The following PPIG variants were observed in gnomAD, a reference collection of about 807,000 sequenced individuals.
PPIG encodes peptidylprolyl isomerase G, also known as peptidyl-prolyl cis-trans isomerase G.
PPIG carries 26 observed loss-of-function variants against 87.9 expected under a neutral mutation model. The ratio of observed to expected loss-of-function variants is 0.30; its 90% CI spans 0.22 to 0.41. The LOEUF (loss-of-function observed/expected upper bound fraction) is 0.41, where lower values mean the gene tolerates loss of function less well. Among genes scored for constraint, PPIG ranks in the 10% least tolerant of loss-of-function variants. The pLI is 1.00. For synonymous variants in PPIG, 308 were observed against 276.5 expected (o/e 1.11, Z -1.13); for missense variants, 722 against 879.4 (o/e 0.82, Z 2.26).
intron 1 of PPIG, among the ~76,000 whole-genome samples, chr2:169,589,277 T>C (rs1190173379): frequency 1.3e-5 from 2 of 152,148 alleles, no homozygotes; most frequent in Non-Finnish European, 2.9e-5. Context: ...GAAACATCAG[T>C]GGAAGGGACA....
rs1686062016 is a variant in PPIG at position 169,631,839 on chromosome 2, C to T, written c.835C>T (p.Pro279Ser). The T allele has an allele frequency of 6.2e-7, 1 of 1,613,392 alleles. No homozygotes were observed. Among genetic ancestry groups the T allele is most frequent in the Non-Finnish European group, 8.5e-7 (1 of 1,179,712 alleles). Residue 279 changes from proline to serine, a missense_variant, in exon 11 of 14, where the codon CCT becomes TCT. Physicochemically the swap from Pro to Ser is moderately conservative, Grantham distance 74. Around this residue, in one of 4 missense-constraint regions of PPIG, gnomAD observed 142 missense variants for 152.8 expected, o/e 0.93. Coordinates refer to ENST00000260970, the MANE Select transcript of PPIG (RefSeq NM_004792.3). ...QSTVRPEEIPPIPENRFLMRK... is the reference protein window; with the variant it reads ...QSTVRPEEIPSIPENRFLMRK... Reference sequence around the variant, plus strand: ...TACTGTCCGTCCAGAAGAGATCCCTCCTATACCTGAAAATAGATTCCTAAT... The same window carrying T: ...TACTGTCCGTCCAGAAGAGATCCCTTCTATACCTGAAAATAGATTCCTAAT...
chr2:169,605,902 A>T (rs79084471), intron 4 of PPIG, 137 bp from the exon 5 acceptor site: 38,228 of 601,748 alleles, frequency 0.064, 1,427 homozygotes, highest in Non-Finnish European at 0.079. Flanking sequence ...ATGAATTTTT[A>T]AAAAAAAATT....
intron 1 of PPIG, among the ~76,000 whole-genome samples, chr2:169,598,961 T>C (rs1685102090): frequency 6.6e-6 from 1 of 151,484 alleles, no homozygotes; most frequent in African/African-American, 2.4e-5. Context: ...TGTTCCTCCT[T>C]TATGGACATT....
intron 9 of PPIG, among the ~76,000 whole-genome samples, chr2:169,628,146 A>AAGCTTAGTGCC (rs1685943393): frequency 6.6e-6 from 1 of 151,874 alleles, no homozygotes; most frequent in South Asian, 2.1e-4. Context: ...AGGCACTAAG[A>AAGCTTAGTGCC]TTACTTACCC....
Position 169,636,410 on chromosome 2 carries a change from T to C in PPIG, c.1155-3T>C, listed in dbSNP as rs1470043910. On this transcript the variant is annotated splice_region_variant and splice_polypyrimidine_tract_variant and intron_variant, in intron 13 of 13. Coordinates refer to ENST00000260970, the MANE Select transcript of PPIG (RefSeq NM_004792.3). ...TTCCCCAATTCTTTTTCTTATTTTT[T>C]AGGAGTGAGTTGAATGAAATAAAAG... The C allele has an allele frequency of 3.3e-6, 5 of 1,517,018 alleles. No individual in the cohort carries two copies. The South Asian group carries it at 5.2e-5, about 16-fold the overall frequency. The allele number at this position is 1,517,018 out of a possible 1,614,324, so 94.0% of individuals were successfully genotyped here. A position where few individuals can be genotyped will look rare whatever the true frequency, so the allele number is the denominator to read the frequency against.
At chr2:169,633,052 A>G in intron 11 of PPIG, 108 bp from the exon 12 acceptor site, 2 of 785,806 alleles carry the variant, frequency 2.5e-6, no homozygotes, top group South Asian at 3.0e-5. Flanking sequence ...CTGGGATTAC[A>G]GGCATGAGCC....
chr2:169,626,418 G>C (rs1574460883), intron 9 of PPIG, among the ~76,000 whole-genome samples: 1 of 152,026 alleles, frequency 6.6e-6, no homozygotes, highest in East Asian at 1.9e-4. Context: ...TTTTGGAACG[G>C]AGTCTCAATC....
chr2:169,587,916 G>C (rs1407889446), intron 1 of PPIG, among the ~76,000 whole-genome samples: 3 of 152,158 alleles, frequency 2.0e-5, no homozygotes, highest in Non-Finnish European at 4.4e-5. Flanking sequence ...AGCACTTTGG[G>C]AGGCCGAGGC....
chr2:169,620,910 A>G (rs1685731062), intron 9 of PPIG, among the ~76,000 whole-genome samples: 1 of 152,258 alleles, frequency 6.6e-6, no homozygotes, highest in South Asian at 2.1e-4. Flanking sequence ...CTAGGGAATA[A>G]TAATATCAGT....
chr2:169,607,060 G>A, intron 5 of PPIG, 44 bp from the exon 6 acceptor site: 1 of 1,291,182 alleles, frequency 7.7e-7, no homozygotes, highest in Non-Finnish European at 1.1e-6. Context: ...TATCACCTTT[G>A]AGGAGCTTAC....
At chr2:169,604,602 G>A (rs559679287) in intron 4 of PPIG, among the ~76,000 whole-genome samples, 63 of 152,188 alleles carry the variant, frequency 4.1e-4, no homozygotes, top group South Asian at 1.9e-3. Context: ...GCAGCCAGGC[G>A]CAGTGGCTCA....
rs1686236559 is a variant in PPIG, at chr2:169,638,317, TATTA to T, written c.*799_*802del. 6.6e-6 allele frequency: 1 copy of T among 150,574 alleles called. No individual in the cohort carries two copies. Among genetic ancestry groups the T allele is most frequent in the Admixed American group, 6.6e-5 (1 of 15,150 alleles). 9.3% of individuals were successfully genotyped at this position (150,574 alleles called of 1,614,324 possible). A position where few individuals can be genotyped will look rare whatever the true frequency, so the allele number is the denominator to read the frequency against. ...TGAAGAGTTTTGGGAACGTTTTAAT[TATTA>T]ATTACCCTTCTCTAAACTTTAAAAA... is the stretch of plus-strand genomic sequence containing the variant. On this transcript the variant is annotated 3_prime_UTR_variant, in exon 14 of 14. Transcript: ENST00000260970.
intron 10 of PPIG, 145 bp downstream of exon 10, chr2:169,631,132 A>G (rs1220395667): frequency 1.8e-5 from 14 of 771,210 alleles, no homozygotes; most frequent in Admixed American, 3.5e-5. Context: ...TCCACAGTCT[A>G]TAGATTAAAT....
chr2:169,600,749 C>T (rs1685158103), intron 1 of PPIG, among the ~76,000 whole-genome samples: 1 of 152,114 alleles, frequency 6.6e-6, no homozygotes, highest in Non-Finnish European at 1.5e-5. Context: ...CATAAGTCTG[C>T]TGTATACAAC....
intron 1 of PPIG, among the ~76,000 whole-genome samples, chr2:169,600,292 C>T (rs375056655): frequency 6.6e-6 from 1 of 151,924 alleles, no homozygotes; most frequent in Non-Finnish European, 1.5e-5. Flanking sequence ...CCAGGCTGGT[C>T]TCGAACAGCT....
Position 169,640,271 on chromosome 2 carries a change from G to A in PPIG, c.*2748G>A, listed in dbSNP as rs182484978. 1.7e-4 allele frequency: 26 copies of A among 152,264 alleles called. No individual in the cohort carries two copies. The highest frequency in any genetic ancestry group is 5.3e-4 in the African/African-American group (22 of 41,544). 9.4% of individuals were successfully genotyped at this position (152,264 alleles called of 1,614,324 possible). On this transcript the variant is annotated 3_prime_UTR_variant, in exon 14 of 14. Coordinates refer to ENST00000260970, the MANE Select transcript of PPIG (RefSeq NM_004792.3). ...ACAAATGTGATACTGATGCATGGAC[G>A]GCTTTGCGGAATGACCTTTGATATT...
At chr2:169,601,847 A>T (rs1459676499) in intron 1 of PPIG, among the ~76,000 whole-genome samples, 1 of 152,058 alleles carries the variant, frequency 6.6e-6, no homozygotes, top group Admixed American at 6.6e-5. Context: ...AAATGTGGCT[A>T]GTCTACATTG....
chr2:169,610,090 C>T (rs190333672), intron 7 of PPIG, among the ~76,000 whole-genome samples: 2 of 152,270 alleles, frequency 1.3e-5, no homozygotes, highest in East Asian at 1.9e-4. Context: ...TTGTTCTGTT[C>T]GGTAGCCTTG....
chr2:169,590,607 C>T (rs956668470), intron 1 of PPIG, among the ~76,000 whole-genome samples: 1 of 152,040 alleles, frequency 6.6e-6, no homozygotes, highest in Admixed American at 6.6e-5. Flanking sequence ...CACGCCACTG[C>T]ACTCCAGCCT....
Sources: gnomAD v4.1 joint callset for allele counts (sites outside exome capture counted in the v4.1 genomes callset) on GRCh38, gnomAD v4.1.1 for gene constraint, gnomAD v4.1.1 regional missense constraint, MANE v1.5 for transcripts, NCBI Gene and HGNC (gene_info 2026-07-23, HGNC 2026-07-21) for gene names.